The following BRINP2 variants were observed in gnomAD, a reference collection of about 807,000 sequenced individuals.
BRINP2 encodes the protein BMP/retinoic acid-inducible neural-specific protein 2.
In BRINP2, 21 loss-of-function variants were observed where a neutral mutation model predicts 69.2. That is an observed-to-expected ratio of 0.30 (90% CI 0.22 to 0.44). The LOEUF is 0.44. Among genes scored for constraint, BRINP2 ranks in the 20% least tolerant of loss-of-function variants. BRINP2 has a pLI of 1.00. For synonymous variants in BRINP2, 380 were observed against 394.1 expected, an observed-to-expected ratio of 0.96 and a Z score of 0.42; for missense variants, 877 against 986.0, an observed-to-expected ratio of 0.89 and a Z score of 1.48.
intron 1 of BRINP2, among the ~76,000 whole-genome samples, chr1:177,181,584 T>C (rs1648250193): frequency 6.6e-6 from 1 of 152,154 alleles, no homozygotes; most frequent in Non-Finnish European, 1.5e-5. Context: ...GAAATCCCCT[T>C]GAGACATAGA....
intron 1 of BRINP2, among the ~76,000 whole-genome samples, chr1:177,195,921 T>C (rs1181059175): frequency 6.6e-6 from 1 of 152,158 alleles, no homozygotes; most frequent in Non-Finnish European, 1.5e-5. Context: ...AAGGGTTTGG[T>C]GTACTCCCCT....
At chr1:177,273,379 C>T (rs1651394494) in intron 4 of BRINP2, 109 bp from the exon 5 acceptor site, 1 of 642,910 alleles carries the variant, frequency 1.6e-6, no homozygotes, top group South Asian at 2.3e-5. Flanking sequence ...ACTTCTACAG[C>T]TGGTCAAGGA....
At chr1:177,264,524 G>C (rs527344819) in intron 4 of BRINP2, among the ~76,000 whole-genome samples, 51 of 152,278 alleles carry the variant, frequency 3.3e-4, no homozygotes, top group Non-Finnish European at 4.7e-4. Flanking sequence ...AATTATCTCT[G>C]TTTGCAGATG....
chr1:177,256,424 C>T (rs1650760827), intron 3 of BRINP2: 2 of 985,432 alleles, frequency 2.0e-6, no homozygotes, highest in Non-Finnish European at 2.4e-6. Context: ...GAGGCTTCGC[C>T]ACTTTCTAAT....
chr1:177,255,290 T>C (rs562615385), intron 2 of BRINP2, among the ~76,000 whole-genome samples: 2 of 152,352 alleles, frequency 1.3e-5, no homozygotes, highest in East Asian at 1.9e-4. Flanking sequence ...ACAGTTGTCA[T>C]GAAAATGTTA....
At chr1:177,181,746 C>A (rs376494453) in intron 1 of BRINP2, among the ~76,000 whole-genome samples, 44 of 152,242 alleles carry the variant, frequency 2.9e-4, no homozygotes, top group African/African-American at 9.1e-4. Flanking sequence ...TCTTGGGAGG[C>A]GCCCTGCACA....
chr1:177,180,821 T>C (rs1333373241), intron 1 of BRINP2, among the ~76,000 whole-genome samples: 3 of 152,200 alleles, frequency 2.0e-5, no homozygotes, highest in African/African-American at 7.2e-5. Context: ...AAATCACAGG[T>C]GATATATTAA....
At chr1:177,233,799 C>T (rs1414284905) in intron 2 of BRINP2, among the ~76,000 whole-genome samples, 3 of 152,190 alleles carry the variant, frequency 2.0e-5, no homozygotes, top group African/African-American at 7.2e-5. Context: ...AAGGATGGCT[C>T]ACTGAGCAGG....
intron 1 of BRINP2, among the ~76,000 whole-genome samples, chr1:177,176,521 T>C (rs1211170251): frequency 1.0e-5 from 1 of 99,728 alleles, no homozygotes; most frequent in African/African-American, 1.0e-4. Context: ...GCATTATTAT[T>C]ATTATTATTA....
rs367556683 is a variant in BRINP2, at chr1:177,276,286, C to T, written c.864C>T (p.Leu288=). 3.7e-6 allele frequency: 6 copies of T among 1,614,216 alleles called. No individual in the cohort carries two copies. In the African/African-American group the frequency reaches 4.0e-5, roughly 11 times the overall value. ...TCACATGCAGCTCTGAGGGTGAGCT[C>T]GTCTGCAAGGAGAATGACTGCTGGT... ...SYITCSSEGE[L]VCKENDCWCK... The change falls in exon 6 of 8, where the codon CTC becomes CTT. Residue 288 remains leucine (L), a synonymous_variant. Coordinates refer to ENST00000361539, the MANE Select transcript of BRINP2 (RefSeq NM_021165.4).
intron 2 of BRINP2, among the ~76,000 whole-genome samples, chr1:177,238,419 G>T (rs1432467490): frequency 1.3e-5 from 2 of 152,198 alleles, no homozygotes; most frequent in Non-Finnish European, 2.9e-5. Context: ...CCATCAGATT[G>T]GTTTGCCTAA....
At chr1:177,236,038 C>G (rs1230101623) in intron 2 of BRINP2, among the ~76,000 whole-genome samples, 2 of 152,120 alleles carry the variant, frequency 1.3e-5, no homozygotes, top group African/African-American at 4.8e-5. Flanking sequence ...AAATTAGAGG[C>G]AATATGGCAA....
chr1:177,255,208 G>C (rs982036963), intron 2 of BRINP2, among the ~76,000 whole-genome samples: 2 of 152,182 alleles, frequency 1.3e-5, no homozygotes, highest in African/African-American at 4.8e-5. Context: ...TGCTAAGCCT[G>C]ATATTAAAGA....
chr1:177,199,158 C>T (rs543653439), intron 1 of BRINP2, among the ~76,000 whole-genome samples: 2 of 152,240 alleles, frequency 1.3e-5, no homozygotes, highest in South Asian at 4.1e-4. Flanking sequence ...CACCTTATTG[C>T]CCCCAAATGG....
intron 1 of BRINP2, among the ~76,000 whole-genome samples, chr1:177,187,813 T>A (rs983650978): frequency 6.6e-6 from 1 of 152,180 alleles, no homozygotes; most frequent in Non-Finnish European, 1.5e-5. Flanking sequence ...AAGTGATAGG[T>A]ATAGAGGAGT....
chr1:177,262,055 G>A (rs1451427348), intron 4 of BRINP2, among the ~76,000 whole-genome samples: 1 of 152,170 alleles, frequency 6.6e-6, no homozygotes, highest in African/African-American at 2.4e-5. Flanking sequence ...AAGAAAACTC[G>A]AGGAAGGAAG....
intron 1 of BRINP2, among the ~76,000 whole-genome samples, chr1:177,173,025 G>C (rs1231614978): frequency 6.6e-6 from 1 of 152,180 alleles, no homozygotes; most frequent in Non-Finnish European, 1.5e-5. Context: ...AGCAACTAAA[G>C]TATACCAAAT....
intron 1 of BRINP2, among the ~76,000 whole-genome samples, chr1:177,194,127 T>C (rs1038219983): frequency 5.9e-5 from 9 of 152,228 alleles, no homozygotes; most frequent in Non-Finnish European, 1.2e-4. Flanking sequence ...TATTTATTAT[T>C]GTTTGTATCA....
chr1:177,210,816 A>C (rs913061087), intron 1 of BRINP2, among the ~76,000 whole-genome samples: 5 of 151,842 alleles, frequency 3.3e-5, no homozygotes, highest in Non-Finnish European at 7.4e-5. Context: ...TAAATGTGAA[A>C]TACATACCAG....
Sources: gnomAD v4.1 joint callset for allele counts (sites outside exome capture counted in the v4.1 genomes callset) on GRCh38, gnomAD v4.1.1 for gene constraint, MANE v1.5 for transcripts, NCBI Gene and HGNC (gene_info 2026-07-23, HGNC 2026-07-21) for gene names.